SNX19: variants seen among roughly 807,000 people sequenced by gnomAD.
The protein encoded by SNX19 is sorting nexin-19.
Under a neutral mutation model 85.2 loss-of-function variants are expected in SNX19, and 60 were observed. The ratio of observed to expected loss-of-function variants is 0.70; its 90% CI spans 0.57 to 0.87. The LOEUF (loss-of-function observed/expected upper bound fraction) is 0.87, where lower values mean the gene tolerates loss of function less well. SNX19 is among the 40% of genes least tolerant of loss of function. The pLI is 0.00. For synonymous variants in SNX19, 520 were observed against 470.0 expected, an observed-to-expected ratio of 1.11 and a Z score of -1.38; for missense variants, 1,201 against 1,217.8, an observed-to-expected ratio of 0.99 and a Z score of 0.21.
At position 130,906,142 on chromosome 11, in the gene SNX19, T is replaced by C. The variant is rs1565541271; in HGVS notation, c.2263-9A>G. ...GATAGAGTCTCAGACTCCTAAGAAA[T>C]AGTCAGTGGCATATCACATATGGAA... On this transcript the variant is annotated splice_polypyrimidine_tract_variant and intron_variant, in intron 6 of 10. Coordinates refer to ENST00000265909, the MANE Select transcript of SNX19 (RefSeq NM_014758.3). 3.7e-6 allele frequency: 6 copies of C among 1,612,114 alleles called. No homozygotes were observed. Among genetic ancestry groups the C allele is most frequent in the South Asian group, 2.2e-5 (2 of 90,806 alleles).
chr11:130,885,886 C>T (rs897376121), intron 8 of SNX19, among the ~76,000 whole-genome samples: 6 of 152,118 alleles, frequency 3.9e-5, no homozygotes, highest in African/African-American at 1.4e-4. Flanking sequence ...ATTTTATTAC[C>T]CTGAGAGCAG....
rs964930735 is a variant in SNX19, at chr11:130,867,340, T to C, written c.*11082A>G. 1.8e-4 allele frequency: 28 copies of C among 152,162 alleles called. No homozygotes were observed. Among genetic ancestry groups the C allele is most frequent in the African/African-American group, 6.8e-4 (28 of 41,418 alleles). The allele number at this position is 152,162 out of a possible 1,614,324, so 9.4% of individuals were successfully genotyped here. Reference sequence around the variant, plus strand: ...TCAGAGGAATGATGAAAAGATGAAATGAGATGGCTGATGGGAAACGCTCTG... The same window carrying C: ...TCAGAGGAATGATGAAAAGATGAAACGAGATGGCTGATGGGAAACGCTCTG... On this transcript the variant is annotated 3_prime_UTR_variant, in exon 11 of 11. Coordinates refer to ENST00000265909, the MANE Select transcript of SNX19 (RefSeq NM_014758.3).
chr11:130,889,256 C>T (rs962300411), intron 8 of SNX19, among the ~76,000 whole-genome samples: 3 of 152,010 alleles, frequency 2.0e-5, no homozygotes, highest in Admixed American at 1.3e-4. Context: ...AATATGTTCA[C>T]CTAGAATCTG....
chr11:130,893,256 C>T (rs1403573090), intron 8 of SNX19, among the ~76,000 whole-genome samples: 2 of 152,016 alleles, frequency 1.3e-5, no homozygotes, highest in African/African-American at 2.4e-5. Context: ...GCAAATATTA[C>T]GGATAACAGA....
At chr11:130,910,783 A>G (rs1256739393) in intron 2 of SNX19, among the ~76,000 whole-genome samples, 1 of 152,256 alleles carries the variant, frequency 6.6e-6, no homozygotes, top group Non-Finnish European at 1.5e-5. Context: ...AGTATTAGCT[A>G]TTGTGTTAAG....
chr11:130,882,212 T>G (rs1479226244), intron 8 of SNX19, among the ~76,000 whole-genome samples: 1 of 152,224 alleles, frequency 6.6e-6, no homozygotes, highest in East Asian at 1.9e-4. Context: ...TTCACCCACC[T>G]CATTTAAGAC....
Position 130,873,595 on chromosome 11 carries a change from T to C in SNX19, c.*4827A>G, listed in dbSNP as rs750308100. 1.4e-4 allele frequency among the ~76,000 whole-genome samples: 21 copies of C among 152,154 alleles called. No individual in the cohort carries two copies. The highest frequency in any genetic ancestry group is 2.5e-4 in the Non-Finnish European group (17 of 68,040). ...GTTCCCCACCTAGAAAATGGGGATA[T>C]ATTAGATTGGTGCAAAAGTAATTGC... On this transcript the variant is annotated 3_prime_UTR_variant, in exon 11 of 11. Coordinates refer to ENST00000265909, the MANE Select transcript of SNX19 (RefSeq NM_014758.3).
intron 8 of SNX19, among the ~76,000 whole-genome samples, chr11:130,888,815 C>G (rs907252884): frequency 2.0e-5 from 3 of 152,270 alleles, no homozygotes; most frequent in Middle Eastern, 3.4e-3. Context: ...AGGCCATGTA[C>G]AGGTTTAAAT....
rs79742062 is a variant in SNX19 at position 130,904,943 on chromosome 11, T to A, written c.2443+1010A>T. Among the ~76,000 whole-genome samples the A allele has an allele frequency of 5.3e-3, 812 of 152,310 alleles. 4 individuals are homozygous for A. The highest frequency in any genetic ancestry group is 0.01 in the Middle Eastern group (3 of 294). On this transcript the variant is annotated intron_variant, in intron 7 of 10. Transcript: ENST00000265909. ...TGTGAGATGTGTGAAGGGATGGGGCTGTCAACCCCATTTTTCACAGACTTA... is the reference window on the plus strand; with the variant it reads ...TGTGAGATGTGTGAAGGGATGGGGCAGTCAACCCCATTTTTCACAGACTTA...
intron 6 of SNX19, among the ~76,000 whole-genome samples, chr11:130,906,338 C>T (rs1318520398): frequency 6.6e-6 from 1 of 152,156 alleles, no homozygotes; most frequent in Non-Finnish European, 1.5e-5. Context: ...TTTCTGCACC[C>T]ATTTTTGGTC....
At chr11:130,891,263 C>T (rs558097851) in intron 8 of SNX19, among the ~76,000 whole-genome samples, 12 of 152,240 alleles carry the variant, frequency 7.9e-5, no homozygotes, top group Non-Finnish European at 1.6e-4. Flanking sequence ...AATACACCAG[C>T]GATAGAGCTG....
chr11:130,906,243 ACC>A, intron 6 of SNX19, 110 bp from the exon 7 acceptor site: 1 of 1,095,674 alleles, frequency 9.1e-7, no homozygotes. Context: ...TGGGTATAAA[ACC>A]CAACTGATGC....
chr11:130,883,670 T>TC (rs1285912317), intron 8 of SNX19, among the ~76,000 whole-genome samples: 1 of 152,024 alleles, frequency 6.6e-6, no homozygotes, highest in Non-Finnish European at 1.5e-5. Flanking sequence ...TGCCCACCCT[T>TC]CCCCCTGTCA....
intron 10 of SNX19, among the ~76,000 whole-genome samples, chr11:130,879,120 C>T (rs1165981899): frequency 6.6e-6 from 1 of 152,184 alleles, no homozygotes; most frequent in Non-Finnish European, 1.5e-5. Flanking sequence ...GAAATTCCAA[C>T]CTTACTATCT....
chr11:130,903,180 G>A, intron 8 of SNX19, 75 bp downstream of exon 8: 1 of 1,585,588 alleles, frequency 6.3e-7, no homozygotes, highest in Non-Finnish European at 8.6e-7. Context: ...CAGATTCCCT[G>A]GACACTATTC....
chr11:130,906,201 G>A, intron 6 of SNX19, 68 bp from the exon 7 acceptor site: 1 of 1,514,156 alleles, frequency 6.6e-7, no homozygotes, highest in Non-Finnish European at 8.9e-7. Flanking sequence ...CAGCACTCTA[G>A]GTTTCCCTGC....
chr11:130,915,792 G>A lies in SNX19; in HGVS notation c.148C>T (p.Leu50=), dbSNP rs748743304. The A allele has an allele frequency of 2.5e-6, 4 of 1,614,196 alleles. No homozygotes were observed. Among genetic ancestry groups the A allele is most frequent in the Non-Finnish European group, 3.4e-6 (4 of 1,180,030 alleles). Residue 50 remains leucine, a synonymous_variant, in exon 1 of 11, where the codon CTG becomes TTG. Transcript: ENST00000265909. ...LVIHLLVNVW[L]LCLLSALLVV... is the part of the protein sequence containing the mutation. Reference sequence around the variant, plus strand: ...AGCAATGCCGACAGAAGGCACAGCAGCCACACGTTGACCAGAAGGTGTATG... The same window carrying A: ...AGCAATGCCGACAGAAGGCACAGCAACCACACGTTGACCAGAAGGTGTATG...
At chr11:130,890,716 C>T (rs1944434170) in intron 8 of SNX19, among the ~76,000 whole-genome samples, 1 of 152,148 alleles carries the variant, frequency 6.6e-6, no homozygotes, top group Admixed American at 6.5e-5. Flanking sequence ...TTCTTTAAAT[C>T]TCATCTCTGA....
In SNX19 at chr11:130,904,466, G is replaced by A. The variant is rs1945500391; in HGVS notation, c.2444-1082C>T. Reference sequence around the variant, plus strand: ...ATTTTCTTTTCTGTTTGTATTGCAAGGATTGGGAGCTGATATGTTGTGTGA... The same window carrying A: ...ATTTTCTTTTCTGTTTGTATTGCAAAGATTGGGAGCTGATATGTTGTGTGA... On this transcript the variant is annotated intron_variant, in intron 7 of 10. Transcript: ENST00000265909. Among the ~76,000 whole-genome samples, 8 of 152,248 alleles carry A rather than the reference G, an allele frequency of 5.3e-5. No individual in the cohort carries two copies. The South Asian group carries it at 1.7e-3, about 32-fold the overall frequency.
Sources: gnomAD v4.1 joint callset for allele counts (sites outside exome capture counted in the v4.1 genomes callset) on GRCh38, gnomAD v4.1.1 for gene constraint, MANE v1.5 for transcripts, NCBI Gene and HGNC (gene_info 2026-07-23, HGNC 2026-07-21) for gene names.